KIFC3: variants seen among roughly 807,000 people sequenced by gnomAD.
The protein encoded by KIFC3 is kinesin-like protein KIFC3.
A neutral mutation model predicts 101.8 loss-of-function variants in KIFC3; 60 were observed. That is an observed-to-expected ratio of 0.59 (90% CI 0.48 to 0.73). KIFC3 has a LOEUF of 0.73. KIFC3 is among the 30% of genes least tolerant of loss of function. KIFC3 has a pLI of 0.00. For missense variants in KIFC3, 966 were observed against 1,137.1 expected (o/e 0.85, Z 2.16); for synonymous variants, 476 against 482.7 (o/e 0.99, Z 0.18).
intron 1 of KIFC3, among the ~76,000 whole-genome samples, chr16:57,835,605 G>A (rs1245854543): frequency 2.6e-5 from 4 of 152,176 alleles, no homozygotes; most frequent in African/African-American, 7.2e-5. Context: ...CAGAGGAACC[G>A]TGATTCACCC....
chr16:57,798,328 C>G, intron 1 of KIFC3, 46 bp from the exon 2 acceptor site: 1 of 1,495,240 alleles, frequency 6.7e-7, no homozygotes, highest in South Asian at 1.2e-5. Flanking sequence ...CGTGGACCAG[C>G]ACAACTGCAC....
chr16:57,834,932 C>G (rs1055468377), intron 1 of KIFC3, among the ~76,000 whole-genome samples: 2 of 152,326 alleles, frequency 1.3e-5, no homozygotes, highest in East Asian at 3.9e-4. Context: ...TCACTGCTGC[C>G]AATAGCTTTT....
chr16:57,776,031 TG>T (rs2052024189), intron 3 of KIFC3: 6 of 985,112 alleles, frequency 6.1e-6, no homozygotes, highest in Non-Finnish European at 7.2e-6. Context: ...CGACCAAGGG[TG>T]GGGCCAGCCA....
intron 1 of KIFC3, chr16:57,815,550 G>A: frequency 1.6e-6 from 2 of 1,289,132 alleles, no homozygotes; most frequent in Non-Finnish European, 2.0e-6. Flanking sequence ...TGCCCTCCAA[G>A]ACCAACACTG....
chr16:57,804,908 T>C (rs2054898233), upstream of KIFC3, among the ~76,000 whole-genome samples: 1 of 8,934 alleles, frequency 1.1e-4, no homozygotes. Flanking sequence ...TGACTCAATT[T>C]TTTTTTTTTT....
chr16:57,766,425 T>C (rs1318917061), intron 10 of KIFC3, among the ~76,000 whole-genome samples: 1 of 152,214 alleles, frequency 6.6e-6, no homozygotes, highest in Non-Finnish European at 1.5e-5. Context: ...CACTAAAGTG[T>C]GCACCGGGAG....
chr16:57,861,806 G>C (rs548750626), intron 1 of KIFC3, among the ~76,000 whole-genome samples: 1 of 152,008 alleles, frequency 6.6e-6, no homozygotes, highest in Non-Finnish European at 1.5e-5. Flanking sequence ...AAAATTAGCC[G>C]GGCGTGATGG....
chr16:57,794,908 G>C (rs1006682298), intron 3 of KIFC3, 91 bp downstream of exon 3: 2 of 1,263,838 alleles, frequency 1.6e-6, no homozygotes, highest in African/African-American at 3.1e-5. Flanking sequence ...CTCTCCCCAG[G>C]TGCTTCCTAC....
intron 6 of KIFC3, 59 bp from the exon 7 acceptor site, chr16:57,770,759 G>T: frequency 7.5e-7 from 1 of 1,330,786 alleles, no homozygotes; most frequent in Non-Finnish European, 9.8e-7. Flanking sequence ...TCACCCAAGA[G>T]CCTGAGACGC....
In KIFC3 at chr16:57,758,882, C is replaced by T. The variant is rs573171001; in HGVS notation, c.*52G>A. On this transcript the variant is annotated 3_prime_UTR_variant, in exon 20 of 20. Transcript: ENST00000445690. ...GCTTCAGGCCCAGCGGGGTCACATCCGTCACACAGGCAGTGGCCGCGACTT... is the reference window on the plus strand; with the variant it reads ...GCTTCAGGCCCAGCGGGGTCACATCTGTCACACAGGCAGTGGCCGCGACTT... 14 of 1,597,984 alleles carry T rather than the reference C, an allele frequency of 8.8e-6. No homozygotes were observed. The highest frequency in any genetic ancestry group is 2.2e-5 in the South Asian group (2 of 89,294).
chr16:57,793,429 C>G (rs1395279693), intron 3 of KIFC3, among the ~76,000 whole-genome samples: 2 of 150,910 alleles, frequency 1.3e-5, no homozygotes, highest in Non-Finnish European at 2.9e-5. Flanking sequence ...CCTGTCTCTA[C>G]TAAAAATACA....
At chr16:57,861,263 T>G (rs1348680654) in intron 1 of KIFC3, among the ~76,000 whole-genome samples, 1 of 152,188 alleles carries the variant, frequency 6.6e-6, no homozygotes, top group Non-Finnish European at 1.5e-5. Context: ...ATTTGGTAAG[T>G]TAGCATCATT....
chr16:57,851,160 G>C (rs538871565), intron 1 of KIFC3, among the ~76,000 whole-genome samples: 24 of 152,004 alleles, frequency 1.6e-4, no homozygotes, highest in Non-Finnish European at 2.9e-4. Context: ...ACAGGAGTGT[G>C]TCACCACACC....
intron 3 of KIFC3, among the ~76,000 whole-genome samples, chr16:57,784,047 C>T (rs141669428): frequency 9.2e-5 from 14 of 152,330 alleles, no homozygotes; most frequent in African/African-American, 1.7e-4. Flanking sequence ...GACAAGCCCT[C>T]GAGGCCATGT....
In KIFC3 at chr16:57,788,992, T is replaced by C. The variant is rs782092122; in HGVS notation, c.315+6007A>G. Among the ~76,000 whole-genome samples, 2 of 152,202 alleles carry C rather than the reference T, an allele frequency of 1.3e-5. 1 individual carries two copies. The highest frequency in any genetic ancestry group is 2.9e-5 in the Non-Finnish European group (2 of 68,028). ...TTCTTAGGTACTTCAAGTTCTCAGG[T>C]GAAGCTCATGCCATCCCTGCAGGGT... On this transcript the variant is annotated intron_variant, in intron 3 of 19. Coordinates refer to ENST00000445690, the MANE Select transcript of KIFC3 (RefSeq NM_001130100.2).
chr16:57,782,356 C>T (rs1183726995), intron 3 of KIFC3: 1 of 156,314 alleles, frequency 6.4e-6, no homozygotes, highest in African/African-American at 2.4e-5. Context: ...CAAAACTCTC[C>T]CAGTAACAAC....
At chr16:57,810,242 G>A (rs2055037968) in intron 1 of KIFC3, among the ~76,000 whole-genome samples, 1 of 152,156 alleles carries the variant, frequency 6.6e-6, no homozygotes, top group East Asian at 1.9e-4. Flanking sequence ...GGCCATAAGG[G>A]AAGCCACGTG....
chr16:57,859,779 C>T (rs247054), intron 1 of KIFC3, among the ~76,000 whole-genome samples: 138,564 of 151,982 alleles, frequency 0.91, 63,161 homozygotes, highest in Middle Eastern at 0.97. Context: ...CCCAGCACTT[C>T]GGGAGGCTGA....
intron 1 of KIFC3, among the ~76,000 whole-genome samples, chr16:57,862,077 CT>C (rs1489694263): frequency 6.6e-6 from 1 of 152,018 alleles, no homozygotes; most frequent in Non-Finnish European, 1.5e-5. Flanking sequence ...GAAGCGAATT[CT>C]GGCAGCTGGG....
Sources: allele counts gnomAD v4.1 joint callset (sites outside exome capture counted in the v4.1 genomes callset), GRCh38; gene constraint gnomAD v4.1.1; transcripts MANE v1.5; gene names NCBI Gene and HGNC (gene_info 2026-07-23, HGNC 2026-07-21).